The following WWC2 variants were observed in gnomAD, a reference collection of about 807,000 sequenced individuals.
WWC2 encodes WW and C2 domain containing 2.
Under a neutral mutation model 138.5 loss-of-function variants are expected in WWC2, and 101 were observed. The observed-to-expected ratio is 0.73, with a 90% CI of 0.62 to 0.86. The LOEUF is 0.86. Among genes scored for constraint, WWC2 ranks in the 40% least tolerant of loss-of-function variants. The probability of loss-of-function intolerance (pLI) is 0.00; values close to 1 mark genes in which losing one functional copy is unlikely to be tolerated. For missense variants in WWC2, 1,420 were observed against 1,419.4 expected, an observed-to-expected ratio of 1.00 and a Z score of -0.01; for synonymous variants, 558 against 538.4, an observed-to-expected ratio of 1.04 and a Z score of -0.50.
At chr4:183,210,269 C>A (rs950895652) in intron 4 of WWC2, among the ~76,000 whole-genome samples, 1 of 151,844 alleles carries the variant, frequency 6.6e-6, no homozygotes, top group Non-Finnish European at 1.5e-5. Context: ...TTACCGTGGA[C>A]CTCGGGGGTG....
chr4:183,221,655 G>C (rs1317935984), intron 4 of WWC2, among the ~76,000 whole-genome samples: 1 of 152,102 alleles, frequency 6.6e-6, no homozygotes, highest in Non-Finnish European at 1.5e-5. Flanking sequence ...TAATTCATTG[G>C]CCAAAGAAGA....
chr4:183,216,596 C>T (rs1261141839), intron 4 of WWC2, among the ~76,000 whole-genome samples: 1 of 152,152 alleles, frequency 6.6e-6, no homozygotes, highest in Non-Finnish European at 1.5e-5. Context: ...CTTCAGGTAA[C>T]AGTAGAAGAC....
chr4:183,104,251 C>A (rs1476684231), intron 1 of WWC2, among the ~76,000 whole-genome samples: 1 of 152,134 alleles, frequency 6.6e-6, no homozygotes, highest in East Asian at 1.9e-4. Flanking sequence ...CTTATTACTG[C>A]TTTTTGAATC....
At chr4:183,139,185 T>C (rs188506759) in intron 1 of WWC2, among the ~76,000 whole-genome samples, 1 of 152,150 alleles carries the variant, frequency 6.6e-6, no homozygotes, top group Non-Finnish European at 1.5e-5. Context: ...CAAGGTTCAG[T>C]TGGGAGTCAG....
At chr4:183,112,907 C>T (rs1406326246) in intron 1 of WWC2, among the ~76,000 whole-genome samples, 2 of 151,416 alleles carry the variant, frequency 1.3e-5, no homozygotes, top group Non-Finnish European at 2.9e-5. Flanking sequence ...AAGTACTAGC[C>T]CTGTGCTTTC....
At chr4:183,261,984 T>C (rs1214902488) in intron 11 of WWC2, among the ~76,000 whole-genome samples, 1 of 152,208 alleles carries the variant, frequency 6.6e-6, no homozygotes, top group African/African-American at 2.4e-5. Context: ...ATACAGTTTT[T>C]GTTTCAAGCC....
intron 1 of WWC2, among the ~76,000 whole-genome samples, chr4:183,146,002 A>G (rs533102081): frequency 6.6e-6 from 1 of 152,368 alleles, no homozygotes; most frequent in East Asian, 1.9e-4. Context: ...ATTATGACAC[A>G]TGTAGAATAA....
rs199999012 is a variant in WWC2, at chr4:183,181,385, GA to G, written c.132-12210del. On this transcript the variant is annotated intron_variant, in intron 1 of 22. Coordinates refer to ENST00000403733, the MANE Select transcript of WWC2 (RefSeq NM_024949.6). ...GCTGGAAGTGCTCCCAAGAAGTGGA[GA>G]AAAGTAATGACCTTACAAGAAAATG... is the stretch of plus-strand genomic sequence containing the variant. 8.0e-3 allele frequency among the ~76,000 whole-genome samples: 1,221 copies of G among 152,288 alleles called. 16 individuals carry two copies. The highest frequency in any genetic ancestry group is 0.028 in the African/African-American group (1,146 of 41,560).
At chr4:183,163,857 A>G (rs1027191499) in intron 1 of WWC2, among the ~76,000 whole-genome samples, 1 of 152,184 alleles carries the variant, frequency 6.6e-6, no homozygotes, top group Non-Finnish European at 1.5e-5. Flanking sequence ...ACATAATTAT[A>G]GTTAGAATTG....
rs147023374 is a variant in WWC2, at chr4:183,305,430, TACAC to T, written c.3385-6899_3385-6896del. ...CTCATAAAACACCAAGCAAAATAAATACACACACACACACAGAACATTACACCTA... is the reference window on the plus strand; with the variant it reads ...CTCATAAAACACCAAGCAAAATAAATACACACACACAGAACATTACACCTA... On this transcript the variant is annotated intron_variant, in intron 21 of 22. Transcript: ENST00000403733. Among the ~76,000 whole-genome samples the T allele has an allele frequency of 4.0e-5, 6 of 151,224 alleles. No individual in the cohort carries two copies. The East Asian group carries it at 5.8e-4, about 15-fold the overall frequency.
At chr4:183,149,638 CTT>C (rs1220299533) in intron 1 of WWC2, among the ~76,000 whole-genome samples, 1 of 144,416 alleles carries the variant, frequency 6.9e-6, no homozygotes, top group South Asian at 2.3e-4. Flanking sequence ...AAAAAAAAAT[CTT>C]TAAGTATTTT....
chr4:183,122,424 A>G (rs1732631270), intron 1 of WWC2, among the ~76,000 whole-genome samples: 1 of 152,228 alleles, frequency 6.6e-6, no homozygotes, highest in Non-Finnish European at 1.5e-5. Context: ...ATAAAATTAA[A>G]ACTCTGACAT....
chr4:183,248,920 T>C, intron 7 of WWC2, 60 bp downstream of exon 7: 1 of 1,418,760 alleles, frequency 7.0e-7, no homozygotes, highest in Non-Finnish European at 9.5e-7. Flanking sequence ...TTAATTGCAA[T>C]ATGGATGGTG....
intron 2 of WWC2, among the ~76,000 whole-genome samples, chr4:183,201,258 G>A (rs1735288400): frequency 1.2e-5 from 1 of 82,690 alleles, no homozygotes; most frequent in South Asian, 6.6e-4. Flanking sequence ...TTAGACATCA[G>A]CTCTAGCATA....
chr4:183,271,390 A>C (rs984435608), intron 16 of WWC2, 149 bp downstream of exon 16: 1 of 633,128 alleles, frequency 1.6e-6, no homozygotes, highest in Non-Finnish European at 2.3e-6. Flanking sequence ...CACAACTTTG[A>C]TTTTCCCAGC....
intron 1 of WWC2, among the ~76,000 whole-genome samples, chr4:183,152,770 C>A (rs1042120653): frequency 6.6e-6 from 1 of 151,536 alleles, no homozygotes; most frequent in Non-Finnish European, 1.5e-5. Flanking sequence ...GTAATCCCAG[C>A]TACTCAGGAG....
intron 1 of WWC2, among the ~76,000 whole-genome samples, chr4:183,138,230 CTCTT>C (rs1733182659): frequency 6.6e-6 from 1 of 152,122 alleles, no homozygotes; most frequent in Admixed American, 6.5e-5. Flanking sequence ...TTCGGACAGG[CTCTT>C]TCTTTTTGCA....
chr4:183,207,269 A>G (rs1267705074), intron 2 of WWC2, among the ~76,000 whole-genome samples: 1 of 152,052 alleles, frequency 6.6e-6, no homozygotes, highest in Non-Finnish European at 1.5e-5. Flanking sequence ...CTTAGGCTAG[A>G]GCATTCTGTA....
In WWC2 at chr4:183,193,702, A is replaced by G; in HGVS notation, c.235A>G (p.Ile79Val). The G allele has an allele frequency of 6.2e-7, 1 of 1,612,842 alleles. No individual in the cohort carries two copies. The highest frequency in any genetic ancestry group is 8.5e-7 in the Non-Finnish European group (1 of 1,179,234). The change falls in exon 2 of 23, where the codon ATC becomes GTC. Residue 79 changes from isoleucine (I) to valine (V), a missense_variant. Transcript: ENST00000403733. ...GATTGGTGTCTACTACATCGATCAC[A>G]TCAACAGTAAGTTTTCCTTTTTGGT... is the stretch of plus-strand genomic sequence containing the variant. ...PQIGVYYIDHINKTTQIEDPR... is the reference protein window; with the variant it reads ...PQIGVYYIDHVNKTTQIEDPR...
Sources: allele counts gnomAD v4.1 joint callset (sites outside exome capture counted in the v4.1 genomes callset), GRCh38; gene constraint gnomAD v4.1.1; transcripts MANE v1.5; gene names NCBI Gene and HGNC (gene_info 2026-07-23, HGNC 2026-07-21).